The following JUP variants were observed in gnomAD, a reference collection of about 807,000 sequenced individuals.
JUP encodes catenin (cadherin-associated protein), gamma 80kDa.
A neutral mutation model predicts 71.1 loss-of-function variants in JUP; 28 were observed. That is an observed-to-expected ratio of 0.39 (90% CI 0.29 to 0.54). JUP has a LOEUF of 0.54. Ranked by LOEUF, JUP falls within the 20% of genes least tolerant of loss-of-function variation. The pLI is 0.62. For missense variants in JUP, 869 were observed against 1,030.1 expected, an observed-to-expected ratio of 0.84 and a Z score of 2.14; for synonymous variants, 401 against 438.9, an observed-to-expected ratio of 0.91 and a Z score of 1.08.
At chr17:41,786,095 T>C (rs1463734460) in intron 1 of JUP, 1 of 151,404 alleles carries the variant, frequency 6.6e-6, no homozygotes, top group Non-Finnish European at 1.5e-5. Context: ...GCGCAAACAA[T>C]AGGGCCCCAC....
At chr17:41,773,017 A>G in intron 1 of JUP, 3 of 984,430 alleles carry the variant, frequency 3.0e-6, no homozygotes, top group Non-Finnish European at 2.4e-6. Context: ...CGGGTTTCAA[A>G]GCCCATGCAC....
intron 1 of JUP, among the ~76,000 whole-genome samples, chr17:41,781,742 G>A (rs538157639): frequency 1.8e-4 from 28 of 152,156 alleles, no homozygotes; most frequent in Non-Finnish European, 3.5e-4. Flanking sequence ...CCTCCCTGCC[G>A]CACAGGATGG....
At chr17:41,762,945 G>A (rs1915129326) in intron 8 of JUP, 38 bp downstream of exon 8, 1 of 1,588,034 alleles carries the variant, frequency 6.3e-7, no homozygotes, top group African/African-American at 1.3e-5. Flanking sequence ...ACCTAAGCCT[G>A]CTGCAGGGAG....
At chr17:41,770,918 G>T (rs1006791324) in intron 2 of JUP, among the ~76,000 whole-genome samples, 6 of 152,250 alleles carry the variant, frequency 3.9e-5, no homozygotes, top group Non-Finnish European at 8.8e-5. Flanking sequence ...GTTCCTGGGG[G>T]CTACGGCCCT....
intron 11 of JUP, 44 bp from the exon 12 acceptor site, chr17:41,757,580 C>A (rs781807944): frequency 6.2e-7 from 1 of 1,614,162 alleles, no homozygotes; most frequent in South Asian, 1.1e-5. Context: ...CGTCGGCCAG[C>A]CTCCATCGTG....
intron 1 of JUP, among the ~76,000 whole-genome samples, chr17:41,777,370 G>A (rs2046935947): frequency 6.6e-6 from 1 of 152,210 alleles, no homozygotes; most frequent in Non-Finnish European, 1.5e-5. Flanking sequence ...TCTGTCCCTG[G>A]CTCCTGCTGA....
chr17:41,771,345 C>T (rs1276587132), intron 2 of JUP: 3 of 470,228 alleles, frequency 6.4e-6, no homozygotes, highest in Non-Finnish European at 1.2e-5. Flanking sequence ...TCATCAGATT[C>T]TTATGTTCAC....
Position 41,764,741 on chromosome 17 carries a change from C to A in JUP, c.1130G>T (p.Arg377Leu). Residue 377 changes from arginine (R) to leucine (L), a missense_variant, in exon 7 of 14, where the codon CGC (arginine) becomes CTC (leucine). Coordinates refer to ENST00000393931, the MANE Select transcript of JUP (RefSeq NM_002230.4). The stretch of plus-strand genomic sequence containing the variant: ...CTTGGTGGCCACATCTGAGAGGTTG[C>A]GCAGGGTCCACAGGCAGTTCTGCAC... ...RLVQNCLWTL[R>L]NLSDVATKQE... 6.2e-7 allele frequency: 1 copy of A among 1,613,128 alleles called. No individual in the cohort carries two copies. The highest frequency in any genetic ancestry group is 8.5e-7 in the Non-Finnish European group (1 of 1,179,966).
chr17:41,761,449 A>G (rs1024336615), intron 8 of JUP, among the ~76,000 whole-genome samples: 1 of 152,156 alleles, frequency 6.6e-6, no homozygotes, highest in Non-Finnish European at 1.5e-5. Context: ...GTGTGAGGAC[A>G]ACCCTCTCGT....
rs782653531 is a variant in JUP at position 41,758,675 on chromosome 17, C to G, written c.1653+40G>C. 1.1e-5 allele frequency: 18 copies of G among 1,593,896 alleles called. No homozygotes were observed. In the South Asian group the frequency reaches 1.8e-4, roughly 16 times the overall value. On this transcript the variant is annotated intron_variant, in intron 9 of 13. Coordinates refer to ENST00000393931, the MANE Select transcript of JUP (RefSeq NM_002230.4). ...ACACACCCACAGAGGACACCCTGAC[C>G]CCCCAGGAAGGCTGTCAGAGGCACC... is the stretch of plus-strand genomic sequence containing the variant.
At chr17:41,760,930 G>T (rs1180367435) in intron 8 of JUP, among the ~76,000 whole-genome samples, 2 of 152,166 alleles carry the variant, frequency 1.3e-5, no homozygotes, top group Non-Finnish European at 1.5e-5. Context: ...TGTGCCCGTT[G>T]ACAAGACCCT....
At chr17:41,767,606 C>T (rs373960437) in intron 4 of JUP, 26 bp from the exon 5 acceptor site, 91 of 1,582,124 alleles carry the variant, frequency 5.8e-5, no homozygotes, top group Non-Finnish European at 7.5e-5. Context: ...GGGGTTAGTA[C>T]GCTGAGGTCC....
intron 1 of JUP, among the ~76,000 whole-genome samples, chr17:41,779,999 AGAG>A (rs1274577841): frequency 3.3e-5 from 5 of 152,130 alleles, no homozygotes; most frequent in African/African-American, 1.2e-4. Flanking sequence ...CAATCAAGGA[AGAG>A]GAGGAGTCTC....
chr17:41,757,925 A>C, intron 10 of JUP, 141 bp from the exon 11 acceptor site: 1 of 682,064 alleles, frequency 1.5e-6, no homozygotes, highest in Non-Finnish European at 2.5e-6. Flanking sequence ...AGTAAGTGTT[A>C]CTGCTTTAAA....
intron 1 of JUP, among the ~76,000 whole-genome samples, chr17:41,784,618 G>T (rs1467854255): frequency 6.6e-6 from 1 of 152,148 alleles, no homozygotes; most frequent in Non-Finnish European, 1.5e-5. Flanking sequence ...TTGCTCCCCA[G>T]AGGTGCAGAA....
chr17:41,772,007 G>C (rs376056678), intron 1 of JUP, 145 bp from the exon 2 acceptor site: 103 of 821,556 alleles, frequency 1.3e-4, no homozygotes, highest in Non-Finnish European at 2.0e-4. Context: ...GGGATGGGGG[G>C]ACTGCCCAGA....
intron 8 of JUP, among the ~76,000 whole-genome samples, chr17:41,762,176 A>AGTGTGTGTGTGTGTGTGTGT (rs137970272): frequency 2.2e-5 from 1 of 44,802 alleles, no homozygotes; most frequent in African/African-American, 1.1e-4. Context: ...AGAGAGAGAG[A>AGTGTGTGTGTGTGTGTGTGT]GTGTGTGTGT....
chr17:41,777,730 C>A (rs552369322), intron 1 of JUP, among the ~76,000 whole-genome samples: 12 of 152,226 alleles, frequency 7.9e-5, no homozygotes, highest in African/African-American at 2.7e-4. Context: ...CTCAGGCCTG[C>A]CGACCCAGCT....
chr17:41,771,624 C>T (rs782405674), intron 2 of JUP, 23 bp downstream of exon 2: 8 of 1,610,198 alleles, frequency 5.0e-6, no homozygotes, highest in Non-Finnish European at 5.1e-6. Flanking sequence ...CTGCCCCATG[C>T]AATAGTCCCC....
Sources: gnomAD v4.1 joint callset for allele counts (sites outside exome capture counted in the v4.1 genomes callset) on GRCh38, gnomAD v4.1.1 for gene constraint, MANE v1.5 for transcripts, NCBI Gene and HGNC (gene_info 2026-07-23, HGNC 2026-07-21) for gene names.